SLC25A31: variants seen among roughly 807,000 people sequenced by gnomAD.
SLC25A31 encodes ADP/ATP translocase 4.
SLC25A31 carries 40 observed loss-of-function variants against 36.2 expected under a neutral mutation model. The ratio of observed to expected loss-of-function variants is 1.10; its 90% CI spans 0.86 to 1.44. The LOEUF (loss-of-function observed/expected upper bound fraction) is 1.44, where lower values mean the gene tolerates loss of function less well. Among genes scored for constraint, SLC25A31 ranks in the 40% most tolerant of loss-of-function variants. The pLI, the probability that SLC25A31 is intolerant of heterozygous loss-of-function variation, is 0.00. For missense variants in SLC25A31, 350 were observed against 397.1 expected (o/e 0.88, Z 1.01); for synonymous variants, 143 against 149.7 (o/e 0.96, Z 0.32).
chr4:127,767,318 A>G, intron 4 of SLC25A31, 98 bp downstream of exon 4: 3 of 1,135,134 alleles, frequency 2.6e-6, no homozygotes, highest in Non-Finnish European at 3.5e-6. Context: ...AATTATAAAA[A>G]TAAAAATCAG....
intron 2 of SLC25A31, among the ~76,000 whole-genome samples, chr4:127,755,641 G>A (rs998680209): frequency 3.9e-5 from 6 of 152,124 alleles, no homozygotes; most frequent in Non-Finnish European, 4.4e-5. Context: ...AAAGATATGC[G>A]TGAGCAAGAC....
chr4:127,773,496 C>G lies in SLC25A31; in HGVS notation c.870C>G (p.Arg290=). ...GTGGCGCCTTCTCCAATGTTCTTCG[C>G]GGTACAGGGGGTGCTTTGGTGTTGG... The part of the protein sequence containing the change: ...FFRGAFSNVL[R]GTGGALVLVL... Residue 290 remains arginine, a synonymous_variant, in exon 6 of 6, where the codon CGC becomes CGG. Transcript: ENST00000281154. The G allele has an allele frequency of 1.9e-6, 3 of 1,613,814 alleles. No homozygotes were observed. Among genetic ancestry groups the G allele is most frequent in the Non-Finnish European group, 2.5e-6 (3 of 1,179,930 alleles).
chr4:127,735,897 T>TTTA (rs1491434382), intron 1 of SLC25A31, among the ~76,000 whole-genome samples: 6 of 104,234 alleles, frequency 5.8e-5, no homozygotes, highest in African/African-American at 3.4e-4. Flanking sequence ...TATTTATTTA[T>TTTA]TTTTTTTTTT....
chr4:127,736,873 G>C (rs1731642756), intron 1 of SLC25A31, among the ~76,000 whole-genome samples: 1 of 152,156 alleles, frequency 6.6e-6, no homozygotes, highest in South Asian at 2.1e-4. Flanking sequence ...GAAATAATTT[G>C]GGATAAACTT....
intron 4 of SLC25A31, among the ~76,000 whole-genome samples, chr4:127,767,893 C>T (rs893789217): frequency 6.8e-6 from 1 of 146,194 alleles, no homozygotes; most frequent in Non-Finnish European, 1.5e-5. Flanking sequence ...ACTACCTGTT[C>T]CCCAAAAAAC....
intron 2 of SLC25A31, among the ~76,000 whole-genome samples, chr4:127,763,452 G>A (rs11933454): frequency 7.8e-4 from 118 of 152,224 alleles, no homozygotes; most frequent in African/African-American, 2.6e-3. Flanking sequence ...CAGTGGCCTC[G>A]TATCCTGGAT....
At chr4:127,738,516 CT>C (rs1226994273) in intron 1 of SLC25A31, among the ~76,000 whole-genome samples, 1 of 152,090 alleles carries the variant, frequency 6.6e-6, no homozygotes, top group Non-Finnish European at 1.5e-5. Flanking sequence ...TGGAGACTTG[CT>C]TTATGGCTTA....
At chr4:127,735,947 T>G (rs557982461) in intron 1 of SLC25A31, among the ~76,000 whole-genome samples, 153 of 145,510 alleles carry the variant, frequency 1.1e-3, no homozygotes, top group South Asian at 7.9e-3. Context: ...TGGAGTGCAG[T>G]GGCGCGATCT....
chr4:127,736,585 C>T (rs772620956), intron 1 of SLC25A31, among the ~76,000 whole-genome samples: 13 of 152,162 alleles, frequency 8.5e-5, no homozygotes, highest in Admixed American at 2.6e-4. Flanking sequence ...CTCTAGACCT[C>T]GAGTCGAATG....
chr4:127,762,899 G>A (rs1560639074), intron 2 of SLC25A31, among the ~76,000 whole-genome samples: 1 of 151,596 alleles, frequency 6.6e-6, no homozygotes, highest in Non-Finnish European at 1.5e-5. Context: ...ACTCCAGCCT[G>A]GGCGACAGAG....
At chr4:127,758,551 T>C (rs892306255) in intron 2 of SLC25A31, among the ~76,000 whole-genome samples, 1 of 152,232 alleles carries the variant, frequency 6.6e-6, no homozygotes, top group East Asian at 1.9e-4. Context: ...CCAAGGCCAA[T>C]GTTTAGAATT....
At chr4:127,745,876 GT>G (rs900736503) in intron 2 of SLC25A31, among the ~76,000 whole-genome samples, 1 of 152,034 alleles carries the variant, frequency 6.6e-6, no homozygotes, top group African/African-American at 2.4e-5. Flanking sequence ...TGTCACAGGG[GT>G]TTTTTGTACA....
chr4:127,740,577 A>G, intron 1 of SLC25A31, among the ~76,000 whole-genome samples: 1 of 152,250 alleles, frequency 6.6e-6, no homozygotes, highest in East Asian at 1.9e-4. Context: ...GCAGATGGTC[A>G]GAATGCCTGG....
chr4:127,752,306 A>G (rs1310532262), intron 2 of SLC25A31, among the ~76,000 whole-genome samples: 1 of 152,112 alleles, frequency 6.6e-6, no homozygotes, highest in Non-Finnish European at 1.5e-5. Context: ...ATTCTCAGCA[A>G]ACTATTGCAA....
intron 2 of SLC25A31, among the ~76,000 whole-genome samples, chr4:127,745,121 G>T (rs576985204): frequency 6.6e-6 from 1 of 152,030 alleles, no homozygotes; most frequent in Non-Finnish European, 1.5e-5. Context: ...TATTTTAAGC[G>T]CAGAAAGAAA....
chr4:127,762,074 C>T (rs1732150910), intron 2 of SLC25A31, among the ~76,000 whole-genome samples: 1 of 152,186 alleles, frequency 6.6e-6, no homozygotes, highest in Non-Finnish European at 1.5e-5. Context: ...ATTACCAGTA[C>T]ACTTTATTAA....
At chr4:127,765,731 G>A (rs1453285279) in intron 3 of SLC25A31, among the ~76,000 whole-genome samples, 1 of 152,078 alleles carries the variant, frequency 6.6e-6, no homozygotes, top group African/African-American at 2.4e-5. Context: ...AAATGCTAGG[G>A]AAAAAAGTTA....
At chr4:127,731,366 G>A (rs1271512765) in intron 1 of SLC25A31, among the ~76,000 whole-genome samples, 2 of 151,278 alleles carry the variant, frequency 1.3e-5, no homozygotes, top group African/African-American at 4.9e-5. Context: ...AAATTCAAGG[G>A]GGCCCTAAAA....
At chr4:127,735,116 A>G (rs1731599348) in intron 1 of SLC25A31, among the ~76,000 whole-genome samples, 1 of 152,250 alleles carries the variant, frequency 6.6e-6, no homozygotes, top group African/African-American at 2.4e-5. Context: ...ATGAACCACA[A>G]GAAAAAGCTG....
Sources: gnomAD v4.1 joint callset for allele counts (sites outside exome capture counted in the v4.1 genomes callset) on GRCh38, gnomAD v4.1.1 for gene constraint, MANE v1.5 for transcripts, NCBI Gene and HGNC (gene_info 2026-07-23, HGNC 2026-07-21) for gene names.